The following LAMA2 variants were observed in gnomAD, a reference collection of about 807,000 sequenced individuals.
LAMA2 encodes the protein laminin subunit alpha 2.
LAMA2 carries 269 observed loss-of-function variants against 364.8 expected under a neutral mutation model. The observed-to-expected ratio is 0.74, with a 90% CI of 0.67 to 0.82. The LOEUF (loss-of-function observed/expected upper bound fraction) is 0.82. Among genes scored for constraint, LAMA2 ranks in the 40% least tolerant of loss-of-function variants. The probability of loss-of-function intolerance (pLI) is 0.00; values close to 1 mark genes in which losing one functional copy is unlikely to be tolerated. For synonymous variants in LAMA2, 1,379 were observed against 1,370.6 expected (o/e 1.01, Z -0.14); for missense variants, 3,807 against 3,873.2 (o/e 0.98, Z 0.45).
At chr6:128,980,749 C>T (rs1373092650) in intron 1 of LAMA2, among the ~76,000 whole-genome samples, 2 of 152,020 alleles carry the variant, frequency 1.3e-5, no homozygotes, top group Non-Finnish European at 2.9e-5. Context: ...ACTGCATGTC[C>T]ATTTTAGAAA....
intron 22 of LAMA2, among the ~76,000 whole-genome samples, chr6:129,311,418 G>T (rs1270861932): frequency 6.6e-6 from 1 of 152,190 alleles, no homozygotes; most frequent in Non-Finnish European, 1.5e-5. Flanking sequence ...ACCGCGCCCG[G>T]CCTAATGAAG....
At chr6:129,452,708 A>G (rs1782741033) in intron 45 of LAMA2, among the ~76,000 whole-genome samples, 1 of 152,314 alleles carries the variant, frequency 6.6e-6, no homozygotes, top group African/African-American at 2.4e-5. Flanking sequence ...GGAGAAATGT[A>G]TGACGTTAGA....
At chr6:128,894,667 A>G (rs1301723450) in intron 1 of LAMA2, among the ~76,000 whole-genome samples, 1 of 152,228 alleles carries the variant, frequency 6.6e-6, no homozygotes, top group Non-Finnish European at 1.5e-5. Flanking sequence ...TGTACCCAAG[A>G]TTTAATAAAT....
chr6:128,948,011 G>T (rs901463368), intron 1 of LAMA2, among the ~76,000 whole-genome samples: 1 of 152,054 alleles, frequency 6.6e-6, no homozygotes. Flanking sequence ...GAAAGGAGGT[G>T]AGAGTTGATG....
intron 4 of LAMA2, among the ~76,000 whole-genome samples, chr6:129,122,876 C>G (rs538340561): frequency 6.6e-6 from 1 of 151,936 alleles, no homozygotes; most frequent in Non-Finnish European, 1.5e-5. Context: ...ACAAAAAGGA[C>G]GAGGCAATAC....
intron 29 of LAMA2, among the ~76,000 whole-genome samples, chr6:129,337,367 G>A (rs1776010846): frequency 2.0e-5 from 3 of 152,134 alleles, no homozygotes; most frequent in African/African-American, 7.2e-5. Context: ...TAAATGTTTA[G>A]CTTGAAACAA....
intron 17 of LAMA2, among the ~76,000 whole-genome samples, chr6:129,271,464 C>CTTT (rs11287525): frequency 2.1e-4 from 17 of 80,240 alleles, no homozygotes; most frequent in Middle Eastern, 7.9e-3. Flanking sequence ...AATTGGGATA[C>CTTT]TTTTTTTTTT....
At chr6:129,067,406 A>G (rs1232200386) in intron 3 of LAMA2, among the ~76,000 whole-genome samples, 2 of 152,228 alleles carry the variant, frequency 1.3e-5, no homozygotes, top group African/African-American at 4.8e-5. Context: ...CTGACTTTTA[A>G]AATTATTAAT....
intron 34 of LAMA2, among the ~76,000 whole-genome samples, chr6:129,372,310 C>T (rs1340060809): frequency 6.6e-6 from 1 of 152,202 alleles, no homozygotes; most frequent in Non-Finnish European, 1.5e-5. Context: ...ATTCATACCT[C>T]CCTCTTCCTT....
chr6:129,366,607 C>T (rs1307122261), intron 33 of LAMA2, among the ~76,000 whole-genome samples: 1 of 152,102 alleles, frequency 6.6e-6, no homozygotes, highest in Non-Finnish European at 1.5e-5. Context: ...TTTATTATGT[C>T]ACTTAAATAT....
Position 129,056,818 on chromosome 6 carries a change from C to G in LAMA2, c.284-2966C>G, listed in dbSNP as rs199567726. 2.5e-4 allele frequency among the ~76,000 whole-genome samples: 38 copies of G among 152,156 alleles called. No homozygotes were observed. In the East Asian group the frequency reaches 6.4e-3, roughly 25 times the overall value. ...TGATCTTGGCTCACTGCAACCTCTACCTCCTGGGTTCAAGTGATTCTCCTG... is the reference window on the plus strand; with the variant it reads ...TGATCTTGGCTCACTGCAACCTCTAGCTCCTGGGTTCAAGTGATTCTCCTG... On this transcript the variant is annotated intron_variant, in intron 2 of 64. Transcript: ENST00000421865.
intron 3 of LAMA2, among the ~76,000 whole-genome samples, chr6:129,075,825 AC>A: frequency 6.6e-6 from 1 of 152,094 alleles, no homozygotes; most frequent in Admixed American, 6.5e-5. Context: ...ATGGTGGCTC[AC>A]TCCTGTAAGC....
chr6:129,115,940 C>A (rs1776452395), intron 4 of LAMA2, among the ~76,000 whole-genome samples: 1 of 152,114 alleles, frequency 6.6e-6, no homozygotes. Context: ...AAGCAACTTA[C>A]AATTTCTTCT....
At chr6:129,049,137 G>C (rs1186710378) in intron 1 of LAMA2, among the ~76,000 whole-genome samples, 1 of 152,094 alleles carries the variant, frequency 6.6e-6, no homozygotes, top group Admixed American at 6.5e-5. Flanking sequence ...ATATGCAAAT[G>C]CTAGACATGT....
chr6:129,213,911 T>G (rs1043995659), intron 12 of LAMA2, among the ~76,000 whole-genome samples: 5 of 152,196 alleles, frequency 3.3e-5, no homozygotes, highest in Admixed American at 3.3e-4. Flanking sequence ...TAGTGTTATA[T>G]ATAAAGAGTT....
chr6:129,099,134 T>TTTC (rs1554217831), intron 4 of LAMA2, among the ~76,000 whole-genome samples: 2 of 149,792 alleles, frequency 1.3e-5, no homozygotes, highest in African/African-American at 4.9e-5. Flanking sequence ...TGTTTTTTTT[T>TTTC]TTTTTGTTTT....
chr6:129,214,006 G>A (rs1783267635), intron 12 of LAMA2, among the ~76,000 whole-genome samples: 1 of 152,024 alleles, frequency 6.6e-6, no homozygotes, highest in South Asian at 2.1e-4. Context: ...CCATTTTGAG[G>A]TCTATGATCC....
At chr6:129,481,518 T>A (rs1784348030) in intron 55 of LAMA2, 79 bp downstream of exon 55, 1 of 1,187,312 alleles carries the variant, frequency 8.4e-7, no homozygotes, top group Non-Finnish European at 1.3e-6. Context: ...ATTTTTAGTT[T>A]CGTATCATTT....
In LAMA2 at chr6:129,287,830, G is replaced by A. The variant is rs2114420162; in HGVS notation, c.2538-17G>A. 6.2e-7 allele frequency: 1 copy of A among 1,609,644 alleles called. No individual in the cohort carries two copies. Among genetic ancestry groups the A allele is most frequent in the Non-Finnish European group, 8.5e-7 (1 of 1,176,136 alleles). ...GAGGTCCCCCCAAAGGCTCACTGATGAAATTTCTTGCCTTAGGTGTGCAGA... is the reference window on the plus strand; with the variant it reads ...GAGGTCCCCCCAAAGGCTCACTGATAAAATTTCTTGCCTTAGGTGTGCAGA... On this transcript the variant is annotated splice_polypyrimidine_tract_variant and intron_variant, in intron 18 of 64. Transcript: ENST00000421865.
Sources: gnomAD v4.1 joint callset for allele counts (sites outside exome capture counted in the v4.1 genomes callset) on GRCh38, gnomAD v4.1.1 for gene constraint, MANE v1.5 for transcripts, NCBI Gene and HGNC (gene_info 2026-07-23, HGNC 2026-07-21) for gene names.